Variants in ROBO1 observed in about 807,000 individuals in gnomAD.
The protein encoded by ROBO1 is roundabout homolog 1.
In ROBO1, 149 loss-of-function variants were observed where a neutral mutation model predicts 195.9. The ratio of observed to expected loss-of-function variants is 0.76; its 90% CI spans 0.67 to 0.87. ROBO1 has a LOEUF of 0.87. Ranked by LOEUF, ROBO1 falls within the 40% of genes least tolerant of loss-of-function variation. The pLI is 0.00. For synonymous variants in ROBO1, 816 were observed against 733.2 expected (o/e 1.11, Z -1.82); for missense variants, 1,933 against 2,068.3 (o/e 0.93, Z 1.27).
At chr3:79,767,356 C>T (rs1220251507) in intron 1 of ROBO1, among the ~76,000 whole-genome samples, 1 of 152,130 alleles carries the variant, frequency 6.6e-6, no homozygotes, top group Non-Finnish European at 1.5e-5. Context: ...CTGTGTGCCC[C>T]CAAGAAGCCA....
intron 2 of ROBO1, among the ~76,000 whole-genome samples, chr3:79,396,958 T>C (rs2037178611): frequency 6.6e-6 from 1 of 152,094 alleles, no homozygotes; most frequent in South Asian, 2.1e-4. Context: ...GAATGTTCCT[T>C]AAAGGAAAAC....
At chr3:79,650,609 A>C (rs1177664087) in intron 1 of ROBO1, among the ~76,000 whole-genome samples, 3 of 151,752 alleles carry the variant, frequency 2.0e-5, no homozygotes, top group Non-Finnish European at 2.9e-5. Flanking sequence ...TATAGAAAAA[A>C]AACCCTTAAT....
At chr3:79,700,175 T>C (rs1947572097) in intron 1 of ROBO1, among the ~76,000 whole-genome samples, 1 of 151,888 alleles carries the variant, frequency 6.6e-6, no homozygotes, top group Admixed American at 6.6e-5. Flanking sequence ...TTTGGTTTTT[T>C]ATGGCTGCAT....
intron 2 of ROBO1, among the ~76,000 whole-genome samples, chr3:79,547,268 C>A (rs1942307088): frequency 7.3e-6 from 1 of 137,374 alleles, no homozygotes; most frequent in Non-Finnish European, 1.5e-5. Context: ...GTAAGAAACA[C>A]AATCAGTTGA....
At chr3:79,046,168 C>T (rs543358204) in intron 3 of ROBO1, among the ~76,000 whole-genome samples, 2 of 152,250 alleles carry the variant, frequency 1.3e-5, no homozygotes, top group South Asian at 4.2e-4. Context: ...CTTGCTCCTT[C>T]ACTTGTTTAC....
At chr3:78,839,436 A>T in intron 4 of ROBO1, among the ~76,000 whole-genome samples, 1 of 150,928 alleles carries the variant, frequency 6.6e-6, no homozygotes, top group Non-Finnish European at 1.5e-5. Context: ...AAAAAAGAAT[A>T]TTTTTTTTCA....
chr3:79,514,109 G>A (rs1486816627), intron 2 of ROBO1, among the ~76,000 whole-genome samples: 2 of 152,170 alleles, frequency 1.3e-5, no homozygotes, highest in Non-Finnish European at 2.9e-5. Flanking sequence ...AAATGAACCA[G>A]AGGATGTGGG....
chr3:79,400,243 A>T (rs1398379400), intron 2 of ROBO1, among the ~76,000 whole-genome samples: 2 of 152,040 alleles, frequency 1.3e-5, no homozygotes, highest in Non-Finnish European at 2.9e-5. Context: ...TTTTTCTATC[A>T]ATTTCCTGAG....
intron 2 of ROBO1, among the ~76,000 whole-genome samples, chr3:79,422,392 C>T (rs1317133751): frequency 1.3e-5 from 2 of 151,972 alleles, no homozygotes; most frequent in Non-Finnish European, 1.5e-5. Context: ...TCAGACCATA[C>T]ATCCTGTGCA....
chr3:79,319,372 T>C (rs544674966), intron 2 of ROBO1, among the ~76,000 whole-genome samples: 1 of 152,272 alleles, frequency 6.6e-6, no homozygotes, highest in East Asian at 1.9e-4. Flanking sequence ...ATGAATAATA[T>C]TTTAAAAAGT....
intron 2 of ROBO1, among the ~76,000 whole-genome samples, chr3:79,426,654 C>T (rs1041032449): frequency 2.0e-5 from 3 of 152,154 alleles, no homozygotes; most frequent in African/African-American, 7.2e-5. Context: ...AGGCGTAAGC[C>T]ACCGTGCCTG....
chr3:78,952,399 C>T (rs1035103190), intron 3 of ROBO1, among the ~76,000 whole-genome samples: 3 of 150,452 alleles, frequency 2.0e-5, no homozygotes, highest in African/African-American at 7.3e-5. Flanking sequence ...TATATAGGTT[C>T]AAACCTATAT....
Position 79,202,699 on chromosome 3 carries a change from T to A in ROBO1, c.89-77160A>T, listed in dbSNP as rs2081791037. Among the ~76,000 whole-genome samples, 4 of 152,032 alleles carry A rather than the reference T, an allele frequency of 2.6e-5. No homozygotes were observed. The South Asian group carries it at 8.3e-4, about 32-fold the overall frequency. On this transcript the variant is annotated intron_variant, in intron 2 of 30. Coordinates refer to ENST00000464233, the MANE Select transcript of ROBO1 (RefSeq NM_002941.4). ...TGGCCCATATGCTTTCAAGCTTTCA[T>A]TTCAAAATTTTGGTGTTTACTTGTA...
In ROBO1 at chr3:79,691,788, G is replaced by A. The variant is rs144768180; in HGVS notation, c.-51+75964C>T. Among the ~76,000 whole-genome samples the A allele has an allele frequency of 8.6e-5, 13 of 151,816 alleles. No individual in the cohort carries two copies. In the East Asian group the frequency reaches 1.2e-3, roughly 14 times the overall value. ...TTCTTAACATTGTCATTATTTCTAC[G>A]TAATAGAAGTTCAAATTGTAATATT... On this transcript the variant is annotated intron_variant, in intron 1 of 30. Coordinates refer to ENST00000464233, the MANE Select transcript of ROBO1 (RefSeq NM_002941.4).
intron 2 of ROBO1, among the ~76,000 whole-genome samples, chr3:79,568,453 A>C (rs1036242695): frequency 6.6e-6 from 1 of 150,816 alleles, no homozygotes; most frequent in Non-Finnish European, 1.5e-5. Context: ...ATTAATCCAT[A>C]AAGTTTCTCT....
intron 2 of ROBO1, among the ~76,000 whole-genome samples, chr3:79,265,779 G>T (rs936876376): frequency 2.0e-4 from 31 of 151,458 alleles, no homozygotes; most frequent in African/African-American, 7.5e-4. Context: ...GAATAATCAT[G>T]TCATATTTTT....
intron 2 of ROBO1, among the ~76,000 whole-genome samples, chr3:79,242,814 C>T (rs1158075761): frequency 6.6e-6 from 1 of 152,042 alleles, no homozygotes; most frequent in Non-Finnish European, 1.5e-5. Context: ...ATGTCCCAGC[C>T]ACTTAACCCT....
intron 2 of ROBO1, among the ~76,000 whole-genome samples, chr3:79,577,874 C>T (rs1260426561): frequency 1.3e-5 from 2 of 151,602 alleles, no homozygotes; most frequent in African/African-American, 4.8e-5. Context: ...AGCGCGCCAC[C>T]GCCCTCCAGC....
At chr3:79,572,082 G>T (rs1333312678) in intron 2 of ROBO1, among the ~76,000 whole-genome samples, 1 of 152,094 alleles carries the variant, frequency 6.6e-6, no homozygotes, top group African/African-American at 2.4e-5. Flanking sequence ...CAGCGCACCA[G>T]CATGGCACAT....
Sources: allele counts gnomAD v4.1 joint callset (sites outside exome capture counted in the v4.1 genomes callset), GRCh38; gene constraint gnomAD v4.1.1; transcripts MANE v1.5; gene names NCBI Gene and HGNC (gene_info 2026-07-23, HGNC 2026-07-21).